Variants in ZC3H12B observed in about 807,000 individuals in gnomAD.
ZC3H12B encodes zinc finger CCCH-type containing 12B.
ZC3H12B carries 7 observed loss-of-function variants against 43.9 expected under a neutral mutation model. The observed-to-expected ratio is 0.16, with a 90% CI of 0.09 to 0.30. The LOEUF is 0.30. Among genes scored for constraint, ZC3H12B ranks in the 10% least tolerant of loss-of-function variants. ZC3H12B has a pLI of 1.00. For synonymous variants in ZC3H12B, 222 were observed against 241.7 expected (o/e 0.92, Z 0.76); for missense variants, 475 against 670.2 (o/e 0.71, Z 3.22).
chrX:65,098,283 T>C, the ZC3H12B span, among the ~76,000 whole-genome samples: 1 of 104,750 alleles, frequency 9.5e-6, no homozygotes, highest in Non-Finnish European at 1.9e-5. Flanking sequence ...GTTTAGAAAA[T>C]AATGTTATTG....
At chrX:65,499,257 A>G in intron 3 of ZC3H12B, 24 bp downstream of exon 8, 1 of 1,047,008 alleles carries the variant, frequency 9.6e-7, no homozygotes, top group African/African-American at 1.8e-5. Flanking sequence ...CAGTAGGCCT[A>G]TATCCAAGTT....
chrX:65,195,986 C>T, the ZC3H12B span, among the ~76,000 whole-genome samples: 1 of 111,706 alleles, frequency 9.0e-6, no homozygotes, highest in Non-Finnish European at 1.9e-5. Flanking sequence ...AGGGCCAAGT[C>T]GAACTGTTTA....
intron 2 of ZC3H12B, among the ~76,000 whole-genome samples, chrX:65,385,222 C>G (rs1481995057): frequency 8.9e-6 from 1 of 112,125 alleles, no homozygotes; most frequent in Non-Finnish European, 1.9e-5. Context: ...GGCATTGAAT[C>G]TATAAATTAC....
At chrX:65,427,592 G>T (rs1335546555) in intron 3 of ZC3H12B, among the ~76,000 whole-genome samples, 2 of 110,978 alleles carry the variant, frequency 1.8e-5, no homozygotes, top group Non-Finnish European at 3.8e-5. Context: ...GCCTCCCAAA[G>T]TGCTGAGATT....
At chrX:65,223,375 G>A in the ZC3H12B span, among the ~76,000 whole-genome samples, 2 of 111,495 alleles carry the variant, frequency 1.8e-5, no homozygotes, top group East Asian at 2.8e-4. Context: ...AAAATTCTGG[G>A]AGATAACATC....
chrX:65,269,663 CT>C, the ZC3H12B span, among the ~76,000 whole-genome samples: 8 of 108,176 alleles, frequency 7.4e-5, no homozygotes, highest in African/African-American at 2.7e-4. Context: ...TCACACCTGG[CT>C]TTTTTTTTCT....
the ZC3H12B span, among the ~76,000 whole-genome samples, chrX:65,066,840 G>A: frequency 3.6e-5 from 4 of 111,901 alleles, no homozygotes; most frequent in Non-Finnish European, 5.6e-5. Flanking sequence ...GACTTGCCCC[G>A]TGTGTAGGAA....
chrX:65,359,532 G>A, the ZC3H12B span, among the ~76,000 whole-genome samples: 3 of 111,767 alleles, frequency 2.7e-5, no homozygotes, highest in African/African-American at 9.8e-5. Flanking sequence ...GACTTTGAGG[G>A]GATCAAGACT....
the ZC3H12B span, among the ~76,000 whole-genome samples, chrX:65,226,270 T>A: frequency 1.8e-5 from 2 of 111,145 alleles, no homozygotes; most frequent in African/African-American, 6.6e-5. Flanking sequence ...CCAGCCAAAC[T>A]AAGCTTCATA....
chrX:65,393,006 G>A (rs1329432316), intron 2 of ZC3H12B, among the ~76,000 whole-genome samples: 4 of 111,484 alleles, frequency 3.6e-5, no homozygotes, highest in East Asian at 2.8e-4. Context: ...GATTAAGGGC[G>A]GTGCAAGAAG....
At chrX:65,365,165 C>T (rs2066157251), upstream of ZC3H12B, among the ~76,000 whole-genome samples, 1 of 111,151 alleles carries the variant, frequency 9.0e-6, no homozygotes, top group African/African-American at 3.3e-5. Context: ...AAAGGTAGAA[C>T]TGACTAATGG....
At chrX:65,279,982 A>G in the ZC3H12B span, among the ~76,000 whole-genome samples, 1 of 112,382 alleles carries the variant, frequency 8.9e-6, no homozygotes, top group Non-Finnish European at 1.9e-5. Context: ...ACTTAACAAA[A>G]AATTAATGCC....
chrX:65,062,058 T>C, the ZC3H12B span, among the ~76,000 whole-genome samples: 1 of 112,496 alleles, frequency 8.9e-6, no homozygotes. Context: ...AGATTCTGGA[T>C]ACTAGACTGT....
chrX:65,468,401 T>G (rs1226430954), intron 3 of ZC3H12B, among the ~76,000 whole-genome samples: 1 of 111,347 alleles, frequency 9.0e-6, no homozygotes, highest in Admixed American at 9.6e-5. Flanking sequence ...GCTTCCAGAT[T>G]TGTTCTTTTT....
the ZC3H12B span, among the ~76,000 whole-genome samples, chrX:65,120,916 T>G: frequency 9.0e-6 from 1 of 111,623 alleles, no homozygotes; most frequent in Non-Finnish European, 1.9e-5. Flanking sequence ...ATCATGTGGT[T>G]TTTGTCATTG....
At chrX:65,258,820 G>A in the ZC3H12B span, among the ~76,000 whole-genome samples, 1 of 111,273 alleles carries the variant, frequency 9.0e-6, no homozygotes, top group Non-Finnish European at 1.9e-5. Context: ...ATTCGCAATA[G>A]CCACAAAAAG....
chrX:65,451,213 G>T (rs1372543788), intron 3 of ZC3H12B, among the ~76,000 whole-genome samples: 1 of 110,692 alleles, frequency 9.0e-6, no homozygotes. Flanking sequence ...GTATCCCAAA[G>T]TCCTGGGATT....
chrX:65,393,060 A>C (rs1334726526), intron 2 of ZC3H12B, among the ~76,000 whole-genome samples: 1 of 111,008 alleles, frequency 9.0e-6, no homozygotes, highest in Non-Finnish European at 1.9e-5. Flanking sequence ...ATGCTCGTTA[A>C]GAGTCATCAC....
the ZC3H12B span, chrX:65,356,863 C>A: frequency 1.9e-5 from 6 of 324,277 alleles, no homozygotes; most frequent in Non-Finnish European, 3.5e-5. Context: ...GAGGTCCAGT[C>A]GAAAGTGAGA....
Sources: gnomAD v4.1 joint callset for allele counts (sites outside exome capture counted in the v4.1 genomes callset) on GRCh38, gnomAD v4.1.1 for gene constraint, MANE v1.5 for transcripts, NCBI Gene and HGNC (gene_info 2026-07-23, HGNC 2026-07-21) for gene names.